Variants in RFC3 observed in about 807,000 individuals in gnomAD.
RFC3 encodes replication factor C subunit 3, also known as A1 38 kDa subunit.
A neutral mutation model predicts 45.1 loss-of-function variants in RFC3; 41 were observed. The ratio of observed to expected loss-of-function variants is 0.91; its 90% confidence interval spans 0.71 to 1.18. RFC3 has a LOEUF of 1.18. Among genes scored for constraint, RFC3 ranks in the 50% most tolerant of loss-of-function variants. RFC3 has a pLI of 0.00. For missense variants in RFC3, 423 were observed against 428.1 expected, an observed-to-expected ratio of 0.99 and a Z score of 0.10; for synonymous variants, 149 against 144.0, an observed-to-expected ratio of 1.03 and a Z score of -0.25.
intron 8 of RFC3, among the ~76,000 whole-genome samples, chr13:33,863,675 C>A (rs2082355755): frequency 6.6e-6 from 1 of 152,216 alleles, no homozygotes. Flanking sequence ...CATTCTCTTG[C>A]TTGATACTGC....
intron 8 of RFC3, among the ~76,000 whole-genome samples, chr13:33,947,882 C>A (rs1451953326): frequency 6.6e-6 from 1 of 152,092 alleles, no homozygotes; most frequent in Non-Finnish European, 1.5e-5. Context: ...GGGTATCTAG[C>A]AGAAGAAATT....
chr13:33,830,734 T>C lies in RFC3; in HGVS notation c.589T>C (p.Ser197Pro). The C allele has an allele frequency of 6.2e-7, 1 of 1,610,332 alleles. No individual in the cohort carries two copies. Among genetic ancestry groups the C allele is most frequent in the Non-Finnish European group, 8.5e-7 (1 of 1,178,700 alleles). Residue 197 changes from serine to proline, a missense_variant, in exon 6 of 9, where the codon TCT (serine) becomes CCT (proline). Ser to Pro is a moderately conservative substitution (Grantham distance 74). Coordinates refer to ENST00000380071, the MANE Select transcript of RFC3 (RefSeq NM_002915.4). ...TTATTTGTAGATTTGCCACGTGTTA[T>C]CTACTGTGTGTAAGAAGGAAGGTCT... ...PSIEDICHVL[S>P]TVCKKEGLNL...
chr13:33,846,615 G>T (rs1208063589), intron 8 of RFC3: 1 of 152,422 alleles, frequency 6.6e-6, no homozygotes, highest in Non-Finnish European at 1.5e-5. Flanking sequence ...GCCCTGGCTG[G>T]TGTCTCACTG....
At chr13:33,870,630 G>A (rs1187907136) in intron 8 of RFC3, among the ~76,000 whole-genome samples, 1 of 152,168 alleles carries the variant, frequency 6.6e-6, no homozygotes, top group Non-Finnish European at 1.5e-5. Flanking sequence ...CACAGGAGTG[G>A]AGAAGATAAA....
At chr13:33,840,874 A>G (rs1593627972), downstream of RFC3, among the ~76,000 whole-genome samples, 2 of 152,198 alleles carry the variant, frequency 1.3e-5, no homozygotes, top group African/African-American at 2.4e-5. Context: ...ATCTAGTACA[A>G]AAAGTTAAAA....
intron 8 of RFC3, among the ~76,000 whole-genome samples, chr13:33,891,515 G>A (rs959469276): frequency 6.6e-6 from 1 of 152,132 alleles, no homozygotes; most frequent in Non-Finnish European, 1.5e-5. Context: ...GGTACTTAGT[G>A]GATAATGACT....
chr13:33,869,862 A>G (rs1181667430), intron 8 of RFC3, among the ~76,000 whole-genome samples: 1 of 152,186 alleles, frequency 6.6e-6, no homozygotes, highest in Non-Finnish European at 1.5e-5. Context: ...GAAGGCCTCC[A>G]TTGGATTACT....
At chr13:33,869,407 G>T (rs35160206) in intron 8 of RFC3, among the ~76,000 whole-genome samples, 19 of 139,502 alleles carry the variant, frequency 1.4e-4, no homozygotes, top group Admixed American at 3.6e-4. Flanking sequence ...TTTTTTTTTA[G>T]GGGTAGGGGG....
Position 33,952,668 on chromosome 13 carries a change from G to A in RFC3, c.880-13419G>A, listed in dbSNP as rs372348414. 5.9e-5 allele frequency among the ~76,000 whole-genome samples: 9 copies of A among 152,252 alleles called. No homozygotes were observed. The East Asian group carries it at 1.4e-3, about 23-fold the overall frequency. On this transcript the variant is annotated intron_variant, in intron 8 of 8. Transcript: ENST00000434425. Reference sequence around the variant, plus strand: ...ACAACCTTGGATATGAGAAATGAATGTTTTGGTCCTAGTTGAAAGGGAGAT... The same window carrying A: ...ACAACCTTGGATATGAGAAATGAATATTTTGGTCCTAGTTGAAAGGGAGAT...
At chr13:33,923,100 C>T (rs765361388) in intron 8 of RFC3, among the ~76,000 whole-genome samples, 12 of 152,042 alleles carry the variant, frequency 7.9e-5, no homozygotes, top group South Asian at 4.2e-4. Context: ...AAAAAGCCCC[C>T]GCTCTGACTG....
chr13:33,892,021 T>G (rs2082567016), intron 8 of RFC3, among the ~76,000 whole-genome samples: 1 of 151,908 alleles, frequency 6.6e-6, no homozygotes, highest in Non-Finnish European at 1.5e-5. Flanking sequence ...TATTCAACTG[T>G]CTCTACATAA....
intron 5 of RFC3, among the ~76,000 whole-genome samples, chr13:33,830,241 G>C (rs2082089577): frequency 6.6e-6 from 1 of 152,098 alleles, no homozygotes; most frequent in Non-Finnish European, 1.5e-5. Flanking sequence ...TGAACAAGTA[G>C]GTATTACGAA....
At chr13:33,975,973 T>C in the RFC3 span, among the ~76,000 whole-genome samples, 1 of 152,160 alleles carries the variant, frequency 6.6e-6, no homozygotes, top group Non-Finnish European at 1.5e-5. Flanking sequence ...TGAACCAAGG[T>C]TCTTTGGAGA....
downstream of RFC3, among the ~76,000 whole-genome samples, chr13:33,969,321 C>G (rs1437158755): frequency 6.6e-6 from 1 of 152,208 alleles, no homozygotes; most frequent in Non-Finnish European, 1.5e-5. Flanking sequence ...GAAGGTGAAC[C>G]TTGGCAACTT....
chr13:33,855,561 C>T (rs1054004035), intron 8 of RFC3, among the ~76,000 whole-genome samples: 2 of 152,140 alleles, frequency 1.3e-5, no homozygotes, highest in African/African-American at 4.8e-5. Context: ...CACTGCATTC[C>T]ACAATGGTTG....
intron 4 of RFC3, among the ~76,000 whole-genome samples, chr13:33,828,233 T>C (rs2082069018): frequency 1.3e-5 from 2 of 152,316 alleles, no homozygotes; most frequent in South Asian, 4.1e-4. Context: ...TCACCTTTAT[T>C]GGGATTCTTT....
At chr13:33,834,292 C>CTGTGTGTG (rs200557958) in intron 7 of RFC3, among the ~76,000 whole-genome samples, 3 of 65,962 alleles carry the variant, frequency 4.5e-5, no homozygotes, top group African/African-American at 2.0e-4. Context: ...AACATCTGTA[C>CTGTGTGTG]TGTGTGTATA....
intron 8 of RFC3, among the ~76,000 whole-genome samples, chr13:33,937,179 A>G (rs1289267320): frequency 6.6e-6 from 1 of 152,130 alleles, no homozygotes; most frequent in African/African-American, 2.4e-5. Context: ...TGTTCACCTT[A>G]CCTTTTCTAT....
intron 8 of RFC3, chr13:33,849,646 G>C (rs1315752723): frequency 6.6e-6 from 1 of 152,130 alleles, no homozygotes. Flanking sequence ...GGAGGCCGAG[G>C]CTGGCAGATC....
Sources: gnomAD v4.1 joint callset for allele counts (sites outside exome capture counted in the v4.1 genomes callset) on GRCh38, gnomAD v4.1.1 for gene constraint, MANE v1.5 for transcripts, NCBI Gene and HGNC (gene_info 2026-07-23, HGNC 2026-07-21) for gene names.